SESTD1: variants seen among roughly 807,000 people sequenced by gnomAD.
SESTD1 encodes the protein SEC14 and spectrin domain containing 1.
SESTD1 carries 43 observed loss-of-function variants against 101.7 expected under a neutral mutation model. That is an observed-to-expected ratio of 0.42 (90% confidence interval 0.33 to 0.55). The LOEUF (loss-of-function observed/expected upper bound fraction) is 0.55. Ranked by LOEUF, SESTD1 falls within the 20% of genes least tolerant of loss-of-function variation. The probability of loss-of-function intolerance (pLI) is 0.07; values close to 1 mark genes in which losing one functional copy is unlikely to be tolerated. For synonymous variants in SESTD1, 283 were observed against 286.8 expected (o/e 0.99, Z 0.13); for missense variants, 647 against 815.1 (o/e 0.79, Z 2.51).
chr2:179,262,321 C>T (rs965556528), intron 1 of SESTD1, among the ~76,000 whole-genome samples: 2 of 152,124 alleles, frequency 1.3e-5, no homozygotes, highest in Non-Finnish European at 2.9e-5. Flanking sequence ...TACTGAATTG[C>T]ATACTTTAAA....
chr2:179,112,808 T>C lies in SESTD1; in HGVS notation c.1877A>G (p.Asn626Ser), dbSNP rs2044538637. The change falls in exon 17 of 18, where the codon AAT becomes AGT. Residue 626 changes from asparagine (N) to serine (S), a missense_variant. Coordinates refer to ENST00000428443, the MANE Select transcript of SESTD1 (RefSeq NM_178123.5). ...QDCPEEPEAI[N>S]DEEQFDEIEA... ...AATTTCATCAAATTGCTCCTCATCA[T>C]TAATAGCTTCAGGCTCTTCTGGACA... 4 of 1,612,940 alleles carry C rather than the reference T, an allele frequency of 2.5e-6. No individual in the cohort carries two copies. Among genetic ancestry groups the C allele is most frequent in the Non-Finnish European group, 3.4e-6 (4 of 1,179,978 alleles).
chr2:179,112,656 C>G, intron 17 of SESTD1, 68 bp downstream of exon 17: 1 of 1,463,904 alleles, frequency 6.8e-7, no homozygotes, highest in Non-Finnish European at 9.0e-7. Context: ...GAATAGATTT[C>G]CTCTTTTAAT....
At chr2:179,245,566 C>A (rs2047217972) in intron 1 of SESTD1, among the ~76,000 whole-genome samples, 2 of 146,116 alleles carry the variant, frequency 1.4e-5, no homozygotes, top group South Asian at 4.3e-4. Flanking sequence ...GTGGCACACA[C>A]CTATGGTCCT....
intron 1 of SESTD1, among the ~76,000 whole-genome samples, chr2:179,197,778 C>G (rs1156267153): frequency 6.6e-6 from 1 of 152,002 alleles, no homozygotes; most frequent in Admixed American, 6.6e-5. Context: ...TTGTCACCAC[C>G]AGGCCTGCCC....
At chr2:179,219,822 G>A (rs1463483036) in intron 1 of SESTD1, among the ~76,000 whole-genome samples, 1 of 152,152 alleles carries the variant, frequency 6.6e-6, no homozygotes, top group Non-Finnish European at 1.5e-5. Context: ...GACCTAAAAT[G>A]AAAGTTATTT....
chr2:179,233,247 T>C (rs1279738337), intron 1 of SESTD1, among the ~76,000 whole-genome samples: 2 of 152,180 alleles, frequency 1.3e-5, no homozygotes, highest in African/African-American at 2.4e-5. Flanking sequence ...TAAGTGGGTT[T>C]GCTTTTTATA....
chr2:179,115,025 C>A (rs1211562350), intron 16 of SESTD1, 40 bp downstream of exon 16: 5 of 1,544,440 alleles, frequency 3.2e-6, no homozygotes, highest in Non-Finnish European at 4.4e-6. Flanking sequence ...CACATATAAT[C>A]AATACCACTG....
At chr2:179,146,763 G>A (rs1015749060) in intron 7 of SESTD1, among the ~76,000 whole-genome samples, 3 of 152,124 alleles carry the variant, frequency 2.0e-5, no homozygotes, top group African/African-American at 7.2e-5. Context: ...TATCCAATGA[G>A]TATTTGTTTC....
intron 1 of SESTD1, among the ~76,000 whole-genome samples, chr2:179,201,997 C>A: frequency 7.8e-6 from 1 of 128,636 alleles, no homozygotes; most frequent in Non-Finnish European, 1.6e-5. Context: ...AAAGTCCAAG[C>A]ATGTCAAAAA....
chr2:179,239,393 G>GT (rs397736076), intron 1 of SESTD1, among the ~76,000 whole-genome samples: 33 of 149,544 alleles, frequency 2.2e-4, no homozygotes, highest in Admixed American at 3.4e-4. Context: ...GAAGTACAAG[G>GT]TTTTTTTTTT....
chr2:179,127,508 G>A (rs757279622), intron 10 of SESTD1, among the ~76,000 whole-genome samples: 57 of 152,214 alleles, frequency 3.7e-4, no homozygotes, highest in Non-Finnish European at 6.2e-4. Flanking sequence ...CATTAAGTAG[G>A]TAACAGAGGG....
At chr2:179,183,514 G>A (rs67028844) in intron 2 of SESTD1, among the ~76,000 whole-genome samples, 18,731 of 151,958 alleles carry the variant, frequency 0.12, 1,272 homozygotes, top group South Asian at 0.24. Flanking sequence ...GTATTTGCAA[G>A]TAAAATAAAA....
chr2:179,158,514 T>C (rs2045672128), intron 5 of SESTD1, among the ~76,000 whole-genome samples: 4 of 152,170 alleles, frequency 2.6e-5, no homozygotes. Flanking sequence ...AAGCTCTTTT[T>C]CCTAAAATTA....
chr2:179,208,478 A>C (rs573542166), intron 1 of SESTD1, among the ~76,000 whole-genome samples: 1 of 134,922 alleles, frequency 7.4e-6, no homozygotes, highest in Non-Finnish European at 1.6e-5. Flanking sequence ...AGGCAAAAGC[A>C]TCAGGTAACC....
intron 3 of SESTD1, among the ~76,000 whole-genome samples, chr2:179,182,685 C>T (rs1460017867): frequency 6.6e-6 from 1 of 152,026 alleles, no homozygotes; most frequent in Non-Finnish European, 1.5e-5. Flanking sequence ...TATTTATAAA[C>T]TCCTAATAGA....
intron 4 of SESTD1, 126 bp from the exon 5 acceptor site, chr2:179,172,359 A>G (rs2045942226): frequency 3.7e-6 from 2 of 539,188 alleles, no homozygotes; most frequent in Non-Finnish European, 6.3e-6. Flanking sequence ...TAAAATAATA[A>G]AGAAGAAATT....
At chr2:179,195,580 G>C (rs1559139012) in intron 1 of SESTD1, among the ~76,000 whole-genome samples, 1 of 152,160 alleles carries the variant, frequency 6.6e-6, no homozygotes, top group Non-Finnish European at 1.5e-5. Context: ...ATTCAAACAA[G>C]CCCTAGCAAG....
At chr2:179,120,814 G>T (rs901799172) in intron 13 of SESTD1, among the ~76,000 whole-genome samples, 1 of 152,160 alleles carries the variant, frequency 6.6e-6, no homozygotes, top group Non-Finnish European at 1.5e-5. Context: ...ACTTAGCTGT[G>T]AGGAAGAGTT....
Position 179,105,627 on chromosome 2 carries a change from T to A in SESTD1, c.*4272A>T, listed in dbSNP as rs2044365514. 1 of 152,182 alleles carries A rather than the reference T, an allele frequency of 6.6e-6. No homozygotes were observed. The highest frequency in any genetic ancestry group is 1.5e-5 in the Non-Finnish European group (1 of 68,010). 9.4% of individuals were successfully genotyped at this position (152,182 alleles called of 1,614,324 possible). A position where few individuals can be genotyped will look rare whatever the true frequency, so the allele number is the denominator to read the frequency against. ...GTGAGACAACAGAAAGGATAAAGAA[T>A]ACTCTATTTTTTATTCTGAAAAGAT... is the stretch of plus-strand genomic sequence containing the variant. On this transcript the variant is annotated 3_prime_UTR_variant, in exon 18 of 18. Coordinates refer to ENST00000428443, the MANE Select transcript of SESTD1 (RefSeq NM_178123.5).
Sources: gnomAD v4.1 joint callset for allele counts (sites outside exome capture counted in the v4.1 genomes callset) on GRCh38, gnomAD v4.1.1 for gene constraint, MANE v1.5 for transcripts, NCBI Gene and HGNC (gene_info 2026-07-23, HGNC 2026-07-21) for gene names.